Variants in CD96 observed in about 807,000 individuals in gnomAD.
CD96 encodes the protein T-cell surface protein tactile.
In CD96, 70 loss-of-function variants were observed where a neutral mutation model predicts 71.3. The ratio of observed to expected loss-of-function variants is 0.98; its 90% CI spans 0.81 to 1.20. The LOEUF is 1.20. Among genes scored for constraint, CD96 ranks in the 50% most tolerant of loss-of-function variants. CD96 has a pLI of 0.00. For synonymous variants in CD96, 248 were observed against 233.0 expected (o/e 1.06, Z -0.59); for missense variants, 742 against 677.5 (o/e 1.10, Z -1.06).
intron 1 of CD96, among the ~76,000 whole-genome samples, chr3:111,544,181 T>C (rs1230980561): frequency 1.3e-5 from 2 of 152,102 alleles, no homozygotes; most frequent in Non-Finnish European, 2.9e-5. Flanking sequence ...AGTCTCACTC[T>C]GTTGCCAGGC....
chr3:111,565,235 A>C (rs1247381277), intron 2 of CD96, among the ~76,000 whole-genome samples: 2 of 152,158 alleles, frequency 1.3e-5, no homozygotes, highest in Non-Finnish European at 2.9e-5. Flanking sequence ...ACAGTTACTG[A>C]TAGCACAGTG....
intron 2 of CD96, among the ~76,000 whole-genome samples, chr3:111,549,791 A>G (rs1262324209): frequency 6.6e-6 from 1 of 152,194 alleles, no homozygotes; most frequent in East Asian, 1.9e-4. Context: ...CTGGAAGATG[A>G]TCAGATCATA....
At chr3:111,586,721 G>A (rs777843072) in intron 5 of CD96, among the ~76,000 whole-genome samples, 1 of 152,120 alleles carries the variant, frequency 6.6e-6, no homozygotes, top group Non-Finnish European at 1.5e-5. Flanking sequence ...GATCTCATGA[G>A]ACTTACTCAC....
In CD96 at chr3:111,542,323, T is replaced by C. The variant is rs1934137139; in HGVS notation, c.61+14T>C. On this transcript the variant is annotated intron_variant, in intron 1 of 13. Transcript: ENST00000352690. ...ATTTTGTCAAGGGTAAGACTTCCAG[T>C]TGTCCCTTCTTGTCGGATGGGCCGC... 6.2e-6 allele frequency: 10 copies of C among 1,606,410 alleles called. No individual in the cohort carries two copies. In the East Asian group the frequency reaches 2.2e-4, roughly 36 times the overall value.
At position 111,649,820 on chromosome 3, in the gene CD96, T is replaced by G. The variant is rs761206185; in HGVS notation, c.*14T>G. The G allele has an allele frequency of 1.3e-6, 2 of 1,482,214 alleles. No homozygotes were observed. Among genetic ancestry groups the G allele is most frequent in the Non-Finnish European group, 1.9e-6 (2 of 1,059,608 alleles). 91.8% of individuals were successfully genotyped at this position (1,482,214 alleles called of 1,614,324 possible). A position where few individuals can be genotyped will look rare whatever the true frequency, so the allele number is the denominator to read the frequency against. On this transcript the variant is annotated 3_prime_UTR_variant, in exon 14 of 14. Transcript: ENST00000352690. ...GAGACCCTCTAGTCTCGTGAGACTTTGCCCCATGGCAGAACTCTGCTGGAA... is the reference window on the plus strand; with the variant it reads ...GAGACCCTCTAGTCTCGTGAGACTTGGCCCCATGGCAGAACTCTGCTGGAA...
chr3:111,641,065 A>C (rs1463183237), intron 12 of CD96, among the ~76,000 whole-genome samples: 1 of 152,216 alleles, frequency 6.6e-6, no homozygotes, highest in African/African-American at 2.4e-5. Context: ...ATGAAACAAA[A>C]ATACAAGTTA....
intron 2 of CD96, among the ~76,000 whole-genome samples, chr3:111,564,570 A>C (rs1236106895): frequency 7.9e-5 from 12 of 152,084 alleles, no homozygotes; most frequent in African/African-American, 2.9e-4. Flanking sequence ...AATTGTGCAC[A>C]ATTTCATCAT....
Position 111,579,211 on chromosome 3 carries a change from G to A in CD96, c.728G>A (p.Ser243Asn). Residue 243 changes from serine to asparagine, a missense_variant, in exon 4 of 14, where the codon AGC (serine) becomes AAC (asparagine). Physicochemically the swap from Ser to Asn is conservative, Grantham distance 46. Coordinates refer to ENST00000352690, the MANE Select transcript of CD96 (RefSeq NM_005816.5). Reference sequence around the variant, plus strand: ...GTCGGTCCTAACAAAATCTTGAGGAGCTCCACCACAGTCAAGGTTTTTGGT... The same window carrying A: ...GTCGGTCCTAACAAAATCTTGAGGAACTCCACCACAGTCAAGGTTTTTGGT... Reference protein sequence around the residue: ...IRVGPNKILRSSTTVKVFAKP... With the variant: ...IRVGPNKILRNSTTVKVFAKP... The A allele has an allele frequency of 1.9e-6, 3 of 1,601,236 alleles. No individual in the cohort carries two copies. Among genetic ancestry groups the A allele is most frequent in the South Asian group, 2.2e-5 (2 of 90,842 alleles).
rs980174274 is a variant in CD96 at position 111,606,763 on chromosome 3, C to T, written c.1151C>T (p.Pro384Leu). The T allele has an allele frequency of 2.6e-5, 42 of 1,602,956 alleles. No individual in the cohort carries two copies. The highest frequency in any genetic ancestry group is 3.6e-5 in the Non-Finnish European group (42 of 1,169,900). Residue 384 changes from proline (P) to leucine (L), a missense_variant, in exon 8 of 14, where the codon CCT becomes CTT. Transcript: ENST00000352690. ...SVTESTLDTQ[P>L]SPASSVSPAR... ...ACAGAATCTACCCTTGACACCCAAC[C>T]TTCTCCAGCCAGCAGTGTATCTCCT...
At chr3:111,662,470 T>A (rs1940382372) in intron 14 of CD96, among the ~76,000 whole-genome samples, 1 of 152,392 alleles carries the variant, frequency 6.6e-6, no homozygotes, top group African/African-American at 2.4e-5. Flanking sequence ...TCCAACCTTT[T>A]ATGCTGTGCT....
chr3:111,544,871 T>C (rs981575047), intron 1 of CD96, among the ~76,000 whole-genome samples, 175 bp from the exon 2 acceptor site: 8 of 152,244 alleles, frequency 5.3e-5, no homozygotes, highest in African/African-American at 1.9e-4. Context: ...TCCTCATTTA[T>C]ATTGTCTCAT....
Position 111,616,638 on chromosome 3 carries a change from G to T in CD96, c.1181-7116G>T, listed in dbSNP as rs143561986. On this transcript the variant is annotated intron_variant, in intron 8 of 13. Transcript: ENST00000352690. ...TAGTCTTTAGTGTCAGACAGCCTTG[G>T]GTTCAGTTGTTGTCTCTGCCACCTA... 7.9e-4 allele frequency among the ~76,000 whole-genome samples: 120 copies of T among 152,294 alleles called. 1 individual carries two copies. Among genetic ancestry groups the T allele is most frequent in the African/African-American group, 2.9e-3 (119 of 41,572 alleles).
chr3:111,572,501 T>C (rs1253342966), intron 3 of CD96, among the ~76,000 whole-genome samples: 1 of 152,222 alleles, frequency 6.6e-6, no homozygotes, highest in African/African-American at 2.4e-5. Context: ...ATATTTTTGG[T>C]CTTTAATCTC....
chr3:111,627,902 A>C (rs1938856155), intron 10 of CD96, among the ~76,000 whole-genome samples: 2 of 152,202 alleles, frequency 1.3e-5, no homozygotes, highest in African/African-American at 4.8e-5. Context: ...GTAGCAAACC[A>C]CAGTAGCCCT....
At chr3:111,550,365 G>A (rs1363279996) in intron 2 of CD96, among the ~76,000 whole-genome samples, 1 of 152,068 alleles carries the variant, frequency 6.6e-6, no homozygotes. Context: ...AATAGGAAGA[G>A]TAGATAGAGG....
chr3:111,654,631 G>A (rs937783378), downstream of CD96, among the ~76,000 whole-genome samples: 6 of 152,184 alleles, frequency 3.9e-5, no homozygotes, highest in African/African-American at 1.4e-4. Context: ...TGATTGTGGG[G>A]AGGGACACTG....
chr3:111,580,327 T>A (rs79105529), intron 4 of CD96, among the ~76,000 whole-genome samples: 2,043 of 152,342 alleles, frequency 0.013, 30 homozygotes, highest in Non-Finnish European at 0.019. Flanking sequence ...GAAGTACCAC[T>A]AATTAATAAA....
chr3:111,588,198 C>A (rs932133990), intron 5 of CD96, among the ~76,000 whole-genome samples: 3 of 152,162 alleles, frequency 2.0e-5, no homozygotes, highest in Admixed American at 2.0e-4. Context: ...TTACCTCTTG[C>A]ATGCTTTGCT....
At chr3:111,624,161 T>C (rs1938635112) in intron 9 of CD96, among the ~76,000 whole-genome samples, 172 bp from the exon 10 acceptor site, 4 of 152,212 alleles carry the variant, frequency 2.6e-5, no homozygotes, top group Admixed American at 1.3e-4. Context: ...GCATTAAACA[T>C]AAACTACAGA....
Sources: gnomAD v4.1 joint callset for allele counts (sites outside exome capture counted in the v4.1 genomes callset) on GRCh38, gnomAD v4.1.1 for gene constraint, MANE v1.5 for transcripts, NCBI Gene and HGNC (gene_info 2026-07-23, HGNC 2026-07-21) for gene names.